MAML3: variants seen among roughly 807,000 people sequenced by gnomAD.
MAML3 encodes mastermind like transcriptional coactivator 3, also known as mastermind-like protein 3.
Under a neutral mutation model 101.9 loss-of-function variants are expected in MAML3, and 27 were observed. The observed-to-expected ratio is 0.27, with a 90% confidence interval of 0.20 to 0.37. The LOEUF (loss-of-function observed/expected upper bound fraction) is 0.37. Among genes scored for constraint, MAML3 ranks in the 10% least tolerant of loss-of-function variants. The pLI is 1.00. For missense variants in MAML3, 1,316 were observed against 1,444.9 expected (o/e 0.91, Z 1.45); for synonymous variants, 501 against 555.9 (o/e 0.90, Z 1.39).
intron 2 of MAML3, among the ~76,000 whole-genome samples, chr4:139,878,157 C>T (rs1173008188): frequency 6.6e-6 from 1 of 152,134 alleles, no homozygotes; most frequent in African/African-American, 2.4e-5. Context: ...CTAAGTTGGC[C>T]ACGGAAGGAA....
chr4:139,939,035 C>T (rs977651268), intron 1 of MAML3, among the ~76,000 whole-genome samples: 5 of 152,202 alleles, frequency 3.3e-5, no homozygotes, highest in East Asian at 1.9e-4. Flanking sequence ...TTTAAGTCTG[C>T]GGTCTACAAA....
At chr4:139,765,555 G>A (rs1729840037) in intron 2 of MAML3, among the ~76,000 whole-genome samples, 1 of 152,218 alleles carries the variant, frequency 6.6e-6, no homozygotes, top group Non-Finnish European at 1.5e-5. Context: ...TATTTTAAGG[G>A]TGGCCTTCTT....
chr4:139,864,620 G>A (rs1245739739), intron 2 of MAML3, among the ~76,000 whole-genome samples: 1 of 139,418 alleles, frequency 7.2e-6, no homozygotes, highest in Admixed American at 7.6e-5. Flanking sequence ...AGGTTGCAGT[G>A]AGCCAAGATC....
At chr4:139,809,622 C>A (rs1051634604) in intron 2 of MAML3, among the ~76,000 whole-genome samples, 3 of 152,148 alleles carry the variant, frequency 2.0e-5, no homozygotes, top group African/African-American at 2.4e-5. Context: ...ATCGTAAGTA[C>A]AGGCAGGAAA....
intron 2 of MAML3, among the ~76,000 whole-genome samples, chr4:139,885,266 G>T (rs989308535): frequency 3.3e-5 from 5 of 151,968 alleles, no homozygotes; most frequent in African/African-American, 1.2e-4. Context: ...AATTAGCCAG[G>T]TATGGTGGCA....
At chr4:139,959,502 A>G (rs948299661) in intron 1 of MAML3, among the ~76,000 whole-genome samples, 1 of 152,194 alleles carries the variant, frequency 6.6e-6, no homozygotes, top group East Asian at 1.9e-4. Flanking sequence ...TCAAGGTGAG[A>G]TTTCAGGTGT....
chr4:140,091,532 C>CAACA (rs1560890515), intron 1 of MAML3, among the ~76,000 whole-genome samples: 15 of 12,076 alleles, frequency 1.2e-3, no homozygotes, highest in African/African-American at 1.6e-3. Flanking sequence ...AACAAAACAA[C>CAACA]AAAACAAAAA....
chr4:139,919,588 G>T (rs889057481), intron 1 of MAML3, among the ~76,000 whole-genome samples: 1 of 152,180 alleles, frequency 6.6e-6, no homozygotes, highest in Non-Finnish European at 1.5e-5. Context: ...TCTCTGCGTG[G>T]ATTCTGCTCC....
chr4:140,122,220 C>A, intron 1 of MAML3, among the ~76,000 whole-genome samples: 1 of 124,592 alleles, frequency 8.0e-6, no homozygotes, highest in South Asian at 2.7e-4. Context: ...TCAAACGAGA[C>A]TTTTTTTTTT....
intron 1 of MAML3, among the ~76,000 whole-genome samples, chr4:140,025,867 G>T (rs1726814416): frequency 6.6e-6 from 1 of 152,198 alleles, no homozygotes; most frequent in Admixed American, 6.5e-5. Flanking sequence ...CTCTCCCATG[G>T]ATTGGCTCTC....
chr4:139,921,519 C>T (rs1262172578), intron 1 of MAML3, among the ~76,000 whole-genome samples: 1 of 152,144 alleles, frequency 6.6e-6, no homozygotes, highest in Non-Finnish European at 1.5e-5. Flanking sequence ...CTTCCCAAAG[C>T]CCTTCCTCTG....
chr4:139,749,887 C>G (rs964137999), intron 2 of MAML3, among the ~76,000 whole-genome samples: 1 of 114,084 alleles, frequency 8.8e-6, no homozygotes, highest in Admixed American at 8.8e-5. Flanking sequence ...GAATAAGAAC[C>G]CCCCCCCACC....
chr4:139,808,966 G>A (rs745774603), intron 2 of MAML3, among the ~76,000 whole-genome samples: 2 of 152,138 alleles, frequency 1.3e-5, no homozygotes, highest in African/African-American at 4.8e-5. Context: ...GTTTATGAGA[G>A]AGAGAAAGAA....
rs1728080166 is a variant in MAML3 at position 139,718,383 on chromosome 4, A to T, written c.*940T>A. ...ACTTCTTGGATAGTCTGTAAGGAGA[A>T]GCAAGGGGAGGCTGGTGTGGAGGCA... On this transcript the variant is annotated 3_prime_UTR_variant, in exon 5 of 5. Transcript: ENST00000509479. 6.6e-6 allele frequency: 1 copy of T among 152,266 alleles called. No individual in the cohort carries two copies. The highest frequency in any genetic ancestry group is 2.4e-5 in the African/African-American group (1 of 41,442). The allele number at this position is 152,266 out of a possible 1,614,324, so 9.4% of individuals were successfully genotyped here.
intron 1 of MAML3, among the ~76,000 whole-genome samples, chr4:140,140,855 CA>C (rs1257996969): frequency 6.6e-6 from 1 of 152,044 alleles, no homozygotes; most frequent in African/African-American, 2.4e-5. Flanking sequence ...CATTCAAGGC[CA>C]GGGGTATGTG....
chr4:139,978,359 C>A lies in MAML3; in HGVS notation c.469-87392G>T, dbSNP rs140220949. Among the ~76,000 whole-genome samples, 706 of 152,136 alleles carry A rather than the reference C, an allele frequency of 4.6e-3. 9 individuals carry two copies. Among genetic ancestry groups the A allele is most frequent in the African/African-American group, 0.016 (678 of 41,484 alleles). The stretch of plus-strand genomic sequence containing the variant: ...TCTAGCTGCAGATCTATCCCAAGGC[C>A]CAGATTGCATTAGCCAAGACCTCTC... On this transcript the variant is annotated intron_variant, in intron 1 of 4. Transcript: ENST00000509479.
intron 1 of MAML3, among the ~76,000 whole-genome samples, chr4:140,122,791 C>CAAAAAAA (rs35276329): frequency 2.5e-4 from 21 of 82,950 alleles, no homozygotes; most frequent in African/African-American, 8.8e-4. Flanking sequence ...GACTCCGTCT[C>CAAAAAAA]AAAAAAAAAA....
Position 139,889,369 on chromosome 4 carries a change from T to C in MAML3, c.2067A>G (p.Pro689=). 6.2e-7 allele frequency: 1 copy of C among 1,614,056 alleles called. No individual in the cohort carries two copies. Among genetic ancestry groups the C allele is most frequent in the Non-Finnish European group, 8.5e-7 (1 of 1,179,904 alleles). Residue 689 remains proline (P), a synonymous_variant, in exon 2 of 5, where the codon CCA becomes CCG. Coordinates refer to ENST00000509479, the MANE Select transcript of MAML3 (RefSeq NM_018717.5). ...CTTTCACACTTACCTGACCGTGGGA[T>C]GGAAGTGCAGCGTAAGCCATGGGCT... The part of the protein sequence containing the change: ...MNQPMAYAAL[P]SHGQEQHPVG...
At chr4:139,874,097 C>T (rs527255482) in intron 2 of MAML3, among the ~76,000 whole-genome samples, 3 of 152,032 alleles carry the variant, frequency 2.0e-5, no homozygotes, top group African/African-American at 7.2e-5. Context: ...AAATTAAATC[C>T]CACCTTCTTT....
Sources: gnomAD v4.1 joint callset for allele counts (sites outside exome capture counted in the v4.1 genomes callset) on GRCh38, gnomAD v4.1.1 for gene constraint, MANE v1.5 for transcripts, NCBI Gene and HGNC (gene_info 2026-07-23, HGNC 2026-07-21) for gene names.